The following NME9 variants were observed in gnomAD, a reference collection of about 807,000 sequenced individuals.
NME9 encodes the protein NME/NM23 family member 9, also known as thioredoxin domain-containing protein 6.
In NME9, 48 loss-of-function variants were observed where a neutral mutation model predicts 44.4. The observed-to-expected ratio is 1.08, with a 90% CI of 0.86 to 1.37. NME9 has a LOEUF of 1.37. NME9 is among the 40% of genes most tolerant of loss of function. The probability of loss-of-function intolerance (pLI) is 0.00; values close to 1 mark genes in which losing one functional copy is unlikely to be tolerated. For synonymous variants in NME9, 139 were observed against 147.1 expected, an observed-to-expected ratio of 0.94 and a Z score of 0.40; for missense variants, 325 against 405.2, an observed-to-expected ratio of 0.80 and a Z score of 1.70.
chr3:138,289,286 C>T (rs557505455), intron 8 of NME9, among the ~76,000 whole-genome samples: 15 of 152,220 alleles, frequency 9.9e-5, no homozygotes, highest in African/African-American at 2.6e-4. Flanking sequence ...GGAACTAGCC[C>T]AAGTCAGCTG....
intron 8 of NME9, chr3:138,262,683 TA>T (rs111720907): frequency 0.04 from 39,434 of 979,248 alleles, no homozygotes; most frequent in East Asian, 0.058. Context: ...GACATAGGAT[TA>T]AAAAAAAAAA....
intron 8 of NME9, chr3:138,295,874 G>T: frequency 1.2e-6 from 2 of 1,613,716 alleles, no homozygotes; most frequent in Non-Finnish European, 1.7e-6. Flanking sequence ...AGATGGCACT[G>T]CAGCAGTACC....
At chr3:138,271,921 G>A (rs147615172) in intron 8 of NME9, among the ~76,000 whole-genome samples, 126 of 151,484 alleles carry the variant, frequency 8.3e-4, no homozygotes, top group Admixed American at 5.9e-4. Flanking sequence ...TCAACCTCCT[G>A]AGTAGCTGGG....
At chr3:138,329,265 C>T in intron 1 of NME9, 38 bp downstream of exon 1, 1 of 1,523,090 alleles carries the variant, frequency 6.6e-7, no homozygotes, top group Non-Finnish European at 8.8e-7. Context: ...TCCCCGAGCC[C>T]AACCCAGAGC....
Position 138,304,924 on chromosome 3 carries a change from G to A in NME9, c.740C>T (p.Thr247Ile). The A allele has an allele frequency of 3.1e-6, 5 of 1,614,184 alleles. No homozygotes were observed. The highest frequency in any genetic ancestry group is 4.2e-6 in the Non-Finnish European group (5 of 1,180,018). The part of the protein sequence containing the change: ...GFEDVVTTWR[T>I]VMGPRDPNVA... Reference sequence around the variant, plus strand: ...ATTGGGGTCACGGGGGCCCATGACGGTTCGCCAGGTAGTGACCACGTCCTC... The same window carrying A: ...ATTGGGGTCACGGGGGCCCATGACGATTCGCCAGGTAGTGACCACGTCCTC... The change falls in exon 9 of 11, where the codon ACC becomes ATC. Residue 247 changes from threonine (T) to isoleucine (I), a missense_variant. Transcript: ENST00000333911.
intron 6 of NME9, among the ~76,000 whole-genome samples, chr3:138,313,969 G>T (rs1198414878): frequency 1.3e-5 from 2 of 152,164 alleles, no homozygotes; most frequent in Non-Finnish European, 2.9e-5. Context: ...ATAGACAGAA[G>T]AAATCAGACC....
intron 1 of NME9, among the ~76,000 whole-genome samples, chr3:138,328,439 A>T (rs1343016426): frequency 8.0e-5 from 12 of 149,870 alleles, no homozygotes; most frequent in Admixed American, 7.5e-4. Context: ...TGAAATCCAC[A>T]TGCAAACTGC....
At chr3:138,264,914 T>C (rs375188137) in intron 8 of NME9, among the ~76,000 whole-genome samples, 1 of 151,276 alleles carries the variant, frequency 6.6e-6, no homozygotes, top group Non-Finnish European at 1.5e-5. Flanking sequence ...TTTTTTTAAA[T>C]AGACACAGGG....
At chr3:138,318,004 C>T (rs1464988967) in intron 4 of NME9, 144 bp downstream of exon 4, 4 of 649,178 alleles carry the variant, frequency 6.2e-6, no homozygotes, top group South Asian at 1.7e-5. Context: ...TCAGAGAAAA[C>T]AGCATCACTT....
chr3:138,318,837 C>T (rs976862207), intron 3 of NME9, among the ~76,000 whole-genome samples: 3 of 152,134 alleles, frequency 2.0e-5, no homozygotes, highest in Non-Finnish European at 1.5e-5. Flanking sequence ...CTTTATGGTG[C>T]AGAGGATGGA....
At chr3:138,278,221 T>G (rs185920579) in intron 8 of NME9, among the ~76,000 whole-genome samples, 1 of 152,068 alleles carries the variant, frequency 6.6e-6, no homozygotes, top group African/African-American at 2.4e-5. Context: ...TATATACATT[T>G]GGTAGGCCAG....
At chr3:138,313,767 A>G (rs1243741385) in intron 6 of NME9, among the ~76,000 whole-genome samples, 1 of 152,244 alleles carries the variant, frequency 6.6e-6, no homozygotes, top group African/African-American at 2.4e-5. Flanking sequence ...CAACATGGAT[A>G]GAACTGGAGA....
chr3:138,318,163 G>C lies in NME9; in HGVS notation c.252C>G (p.Thr84=). The change falls in exon 4 of 11, where the codon ACC becomes ACG. Residue 84 remains threonine, a synonymous_variant. Coordinates refer to ENST00000333911, the MANE Select transcript of NME9 (RefSeq NM_001349018.2). The part of the protein sequence containing the change: ...LEKYRGKCEP[T]FLFYAGGELV... ...ATGTACTTACTGCATAAAACAGAAAGGTTGGCTCGCACTTCCCTCTGTACT... is the reference window on the plus strand; with the variant it reads ...ATGTACTTACTGCATAAAACAGAAACGTTGGCTCGCACTTCCCTCTGTACT... 6.2e-7 allele frequency: 1 copy of C among 1,607,490 alleles called. No individual in the cohort carries two copies. The highest frequency in any genetic ancestry group is 8.5e-7 in the Non-Finnish European group (1 of 1,173,940).
chr3:138,294,938 G>T (rs563260707), intron 8 of NME9, among the ~76,000 whole-genome samples: 1 of 147,604 alleles, frequency 6.8e-6, no homozygotes, highest in Non-Finnish European at 1.5e-5. Flanking sequence ...CACTCTTGTC[G>T]CACAGGCTGG....
chr3:138,317,803 TG>T (rs2053187913), intron 4 of NME9, among the ~76,000 whole-genome samples: 1 of 152,212 alleles, frequency 6.6e-6, no homozygotes, highest in Admixed American at 6.5e-5. Flanking sequence ...TTTGAGTGAC[TG>T]GTACTCTCTC....
At chr3:138,310,272 T>G (rs2052602164) in intron 6 of NME9, among the ~76,000 whole-genome samples, 1 of 151,850 alleles carries the variant, frequency 6.6e-6, no homozygotes, top group Non-Finnish European at 1.5e-5. Flanking sequence ...CAAACATTAA[T>G]AGATCTAAAG....
At chr3:138,272,736 G>A (rs549252395) in intron 8 of NME9, among the ~76,000 whole-genome samples, 7 of 152,218 alleles carry the variant, frequency 4.6e-5, no homozygotes, top group African/African-American at 7.2e-5. Flanking sequence ...TTAGCCAGGC[G>A]TGGTGGCTCG....
At chr3:138,322,535 T>C (rs1413289765) in intron 2 of NME9, among the ~76,000 whole-genome samples, 2 of 151,538 alleles carry the variant, frequency 1.3e-5, no homozygotes. Context: ...TGCATGCACG[T>C]GTAGGTCTGA....
intron 8 of NME9, among the ~76,000 whole-genome samples, chr3:138,276,158 A>G (rs2049272554): frequency 6.6e-6 from 1 of 152,232 alleles, no homozygotes; most frequent in Non-Finnish European, 1.5e-5. Flanking sequence ...TTTCTCATAC[A>G]GATTTTGGAA....
Sources: gnomAD v4.1 joint callset for allele counts (sites outside exome capture counted in the v4.1 genomes callset) on GRCh38, gnomAD v4.1.1 for gene constraint, MANE v1.5 for transcripts, NCBI Gene and HGNC (gene_info 2026-07-23, HGNC 2026-07-21) for gene names.